Variants in DPH6 observed in about 807,000 individuals in gnomAD.
DPH6 encodes diphthine--ammonia ligase.
DPH6 carries 33 observed loss-of-function variants against 38.2 expected under a neutral mutation model. The observed-to-expected ratio is 0.86, with a 90% confidence interval of 0.65 to 1.15. DPH6 has a LOEUF of 1.15. Ranked by LOEUF, DPH6 falls within the 50% of genes most tolerant of loss-of-function variation. DPH6 has a pLI of 0.00. For synonymous variants in DPH6, 108 were observed against 103.0 expected (o/e 1.05, Z -0.30); for missense variants, 325 against 320.0 (o/e 1.02, Z -0.12).
At chr15:35,262,637 C>T (rs562642904) in intron 3 of DPH6, among the ~76,000 whole-genome samples, 7 of 131,912 alleles carry the variant, frequency 5.3e-5, no homozygotes, top group Non-Finnish European at 7.6e-5. Context: ...ACCCGGGAGG[C>T]GGAGCTTGCA....
At chr15:35,534,493 T>C (rs2055138922) in intron 3 of DPH6, among the ~76,000 whole-genome samples, 1 of 147,994 alleles carries the variant, frequency 6.8e-6, no homozygotes, top group African/African-American at 2.5e-5. Flanking sequence ...GAAAGAAAAA[T>C]AAGTTGTTAT....
chr15:35,352,794 C>T (rs1320816067), intron 3 of DPH6, among the ~76,000 whole-genome samples: 1 of 152,086 alleles, frequency 6.6e-6, no homozygotes, highest in African/African-American at 2.4e-5. Context: ...GGGTATATAC[C>T]CAGTAATGGG....
intron 8 of DPH6, among the ~76,000 whole-genome samples, chr15:35,372,559 C>A (rs966687923): frequency 1.3e-5 from 2 of 151,860 alleles, no homozygotes; most frequent in Admixed American, 1.3e-4. Flanking sequence ...TAACTTAATT[C>A]TTGTGGGGGT....
chr15:35,403,150 C>T (rs1009304500), intron 6 of DPH6, among the ~76,000 whole-genome samples: 1 of 152,000 alleles, frequency 6.6e-6, no homozygotes, highest in Non-Finnish European at 1.5e-5. Context: ...AACAAATTCT[C>T]AGGAAATAAA....
downstream of DPH6, among the ~76,000 whole-genome samples, chr15:35,366,690 C>A (rs8031172): frequency 0.27 from 41,384 of 151,678 alleles, 5,898 homozygotes; most frequent in South Asian, 0.38. Context: ...GCCTCCACCA[C>A]CATTTTGAGA....
intron 3 of DPH6, chr15:35,522,028 T>C: frequency 6.4e-7 from 1 of 1,558,426 alleles, no homozygotes; most frequent in South Asian, 1.2e-5. Context: ...CAGATCAGCA[T>C]CCAATTAGTA....
At chr15:35,401,716 G>A in intron 6 of DPH6, 1 of 727,794 alleles carries the variant, frequency 1.4e-6, no homozygotes, top group Non-Finnish European at 2.5e-6. Flanking sequence ...CACCAAGGTG[G>A]CTATGGTGGT....
chr15:35,439,226 G>A (rs983502126), intron 5 of DPH6, among the ~76,000 whole-genome samples: 10 of 152,294 alleles, frequency 6.6e-5, no homozygotes, highest in South Asian at 6.2e-4. Context: ...GGAATGGACC[G>A]AACTAATGAA....
intron 3 of DPH6, among the ~76,000 whole-genome samples, chr15:35,497,044 T>C (rs1276012886): frequency 1.3e-5 from 2 of 152,184 alleles, no homozygotes; most frequent in Admixed American, 6.5e-5. Flanking sequence ...TGTCATAGCC[T>C]CCTGTACTTT....
intron 2 of DPH6, among the ~76,000 whole-genome samples, chr15:35,541,803 G>A (rs1337745670): frequency 6.6e-6 from 1 of 152,008 alleles, no homozygotes; most frequent in Non-Finnish European, 1.5e-5. Context: ...TATAATTGGG[G>A]ATATTTCATT....
chr15:35,283,147 TTCC>T (rs1184756227), intron 3 of DPH6, among the ~76,000 whole-genome samples: 1 of 150,650 alleles, frequency 6.6e-6, no homozygotes, highest in African/African-American at 2.4e-5. Flanking sequence ...CTTCTTCCTC[TTCC>T]TCTTTTCCCT....
In DPH6 at chr15:35,403,386, A is replaced by G. The variant is rs118012314; in HGVS notation, c.567+7449T>C. 3.7e-3 allele frequency among the ~76,000 whole-genome samples: 557 copies of G among 152,202 alleles called. 14 individuals carry two copies. Among genetic ancestry groups the G allele is most frequent in the Admixed American group, 0.033 (501 of 15,280 alleles). ...AGTATCAGTATCCATCTGCTCAAGT[A>G]TTTATTCTTTATGTTAGAATCAGTC... On this transcript the variant is annotated intron_variant, in intron 6 of 8. Coordinates refer to ENST00000256538, the MANE Select transcript of DPH6 (RefSeq NM_080650.4).
intron 6 of DPH6, among the ~76,000 whole-genome samples, chr15:35,400,515 A>G (rs2053202663): frequency 6.6e-6 from 1 of 152,226 alleles, no homozygotes; most frequent in Non-Finnish European, 1.5e-5. Context: ...ACATACAATC[A>G]GAGACATAGA....
intron 3 of DPH6, chr15:35,237,377 G>A (rs1295809813): frequency 1.2e-6 from 2 of 1,602,484 alleles, no homozygotes; most frequent in African/African-American, 2.7e-5. Flanking sequence ...GACGCCCTCT[G>A]ATGTGAAAGA....
chr15:35,242,610 G>A lies in DPH6; in HGVS notation n.201-22028C>T, dbSNP rs542146521. 1.1e-4 allele frequency among the ~76,000 whole-genome samples: 15 copies of A among 142,836 alleles called. 5 individuals carry two copies. The Admixed American group carries it at 1.1e-3, about 10-fold the overall frequency. The allele number at this position is 142,836 out of a possible 152,430, so 93.7% of individuals were successfully genotyped here. A position where few individuals can be genotyped will look rare whatever the true frequency, so the allele number is the denominator to read the frequency against. On this transcript the variant is annotated intron_variant and non_coding_transcript_variant, in intron 3 of 3. Transcript: ENST00000560386. Reference sequence around the variant, plus strand: ...CATTTTTTCAGGCTCTTAGTATTCAGTGACAGACTAATGGTCTATTAAAAA... The same window carrying A: ...CATTTTTTCAGGCTCTTAGTATTCAATGACAGACTAATGGTCTATTAAAAA...
chr15:35,511,689 C>T (rs1002492763), intron 3 of DPH6, among the ~76,000 whole-genome samples: 2 of 151,444 alleles, frequency 1.3e-5, no homozygotes, highest in African/African-American at 4.9e-5. Context: ...CAAGAAACTA[C>T]CAAGAGATTA....
chr15:35,335,727 G>A lies in DPH6; in HGVS notation n.208-4650C>T, dbSNP rs758984691. Among the ~76,000 whole-genome samples the A allele has an allele frequency of 7.2e-5, 11 of 152,078 alleles. 1 individual carries two copies. The highest frequency in any genetic ancestry group is 4.1e-4 in the South Asian group (2 of 4,820). ...AGACTTATTTCTGAGTTCTCTGTTC[G>A]ATTCCATTGGTCTATGTGTCTGTTC... On this transcript the variant is annotated intron_variant and non_coding_transcript_variant, in intron 3 of 3. Transcript: ENST00000558973.
chr15:35,428,455 G>A (rs1036465034), intron 5 of DPH6, among the ~76,000 whole-genome samples: 2 of 151,994 alleles, frequency 1.3e-5, no homozygotes, highest in Admixed American at 6.6e-5. Context: ...AGCTAAAACA[G>A]TTCTACACAC....
At chr15:35,326,007 A>G (rs1269828049), downstream of DPH6, among the ~76,000 whole-genome samples, 3 of 152,176 alleles carry the variant, frequency 2.0e-5, no homozygotes, top group Non-Finnish European at 4.4e-5. Context: ...ATACCACAAT[A>G]TACCAATCAG....
Sources: gnomAD v4.1 joint callset for allele counts (sites outside exome capture counted in the v4.1 genomes callset) on GRCh38, gnomAD v4.1.1 for gene constraint, MANE v1.5 for transcripts, NCBI Gene and HGNC (gene_info 2026-07-23, HGNC 2026-07-21) for gene names.